ACOXL: variants seen among roughly 807,000 people sequenced by gnomAD.
The protein encoded by ACOXL is acyl-coenzyme A oxidase-like protein.
ACOXL carries 70 observed loss-of-function variants against 71.9 expected under a neutral mutation model. The observed-to-expected ratio is 0.97, with a 90% CI of 0.80 to 1.19. The LOEUF (loss-of-function observed/expected upper bound fraction) is 1.19. Among genes scored for constraint, ACOXL ranks in the 50% most tolerant of loss-of-function variants. The pLI is 0.00. For synonymous variants in ACOXL, 253 were observed against 281.6 expected, an observed-to-expected ratio of 0.90 and a Z score of 1.02; for missense variants, 703 against 736.3, an observed-to-expected ratio of 0.95 and a Z score of 0.52.
chr2:110,987,415 C>A (rs1318183045), intron 13 of ACOXL, among the ~76,000 whole-genome samples, 198 bp downstream of exon 13: 2 of 152,236 alleles, frequency 1.3e-5, no homozygotes, highest in Non-Finnish European at 2.9e-5. Flanking sequence ...TCTGTTCTTT[C>A]TCCTTGAGTT....
chr2:110,765,887 A>C (rs1351131005), intron 1 of ACOXL, among the ~76,000 whole-genome samples: 1 of 152,228 alleles, frequency 6.6e-6, no homozygotes, highest in African/African-American at 2.4e-5. Context: ...TCTGTCATCA[A>C]GTTCACTGAT....
chr2:111,056,348 C>A (rs1012753218), intron 16 of ACOXL, among the ~76,000 whole-genome samples: 1 of 152,132 alleles, frequency 6.6e-6, no homozygotes, highest in African/African-American at 2.4e-5. Flanking sequence ...AGGTCCCCTG[C>A]AAGTGCCAAG....
intron 3 of ACOXL, among the ~76,000 whole-genome samples, chr2:110,787,167 T>A (rs976452748): frequency 1.3e-5 from 2 of 152,112 alleles, no homozygotes; most frequent in Non-Finnish European, 2.9e-5. Flanking sequence ...TTTTCCATAA[T>A]AAAATTTTTT....
chr2:111,095,058 C>T (rs1349710310), intron 17 of ACOXL, among the ~76,000 whole-genome samples: 4 of 152,176 alleles, frequency 2.6e-5, no homozygotes, highest in African/African-American at 9.7e-5. Context: ...GAGGAAGTCA[C>T]AGTGCCAGCA....
Position 111,103,156 on chromosome 2 carries a change from G to A in ACOXL, c.1542+10190G>A, listed in dbSNP as rs933515699. ...AGAAAACATGAAAAATTAGCCAGGC[G>A]TGGTGGCATGCGCCTGTAATCCCAG... is the stretch of plus-strand genomic sequence containing the variant. On this transcript the variant is annotated intron_variant, in intron 17 of 17. Transcript: ENST00000439055. Among the ~76,000 whole-genome samples, 29 of 152,220 alleles carry A rather than the reference G, an allele frequency of 1.9e-4. No individual in the cohort carries two copies. In the East Asian group the frequency reaches 2.7e-3, roughly 14 times the overall value.
intron 9 of ACOXL, among the ~76,000 whole-genome samples, chr2:110,821,966 TGA>T (rs1688660684): frequency 6.6e-6 from 1 of 152,030 alleles, no homozygotes; most frequent in Non-Finnish European, 1.5e-5. Flanking sequence ...AGTGTGTGTG[TGA>T]GTGTGTGCGT....
chr2:110,967,453 A>G (rs2061982384), intron 12 of ACOXL, among the ~76,000 whole-genome samples: 1 of 152,224 alleles, frequency 6.6e-6, no homozygotes, highest in South Asian at 2.1e-4. Context: ...GTGTTGCTCA[A>G]TATACATAAA....
At chr2:110,951,747 TCTTC>T (rs1304313253) in intron 12 of ACOXL, among the ~76,000 whole-genome samples, 6 of 152,250 alleles carry the variant, frequency 3.9e-5, no homozygotes, top group Admixed American at 2.6e-4. Context: ...TTGCACATTT[TCTTC>T]CTTTTAATCT....
intron 14 of ACOXL, among the ~76,000 whole-genome samples, 194 bp downstream of exon 14, chr2:110,996,198 C>T (rs1574427078): frequency 1.3e-5 from 2 of 152,176 alleles, no homozygotes; most frequent in African/African-American, 2.4e-5. Flanking sequence ...CTGTTTAACC[C>T]CCTTTATGTC....
chr2:111,049,929 G>T (rs1393939038), intron 16 of ACOXL, among the ~76,000 whole-genome samples: 1 of 152,084 alleles, frequency 6.6e-6, no homozygotes, highest in Non-Finnish European at 1.5e-5. Flanking sequence ...CTGGCAAGCT[G>T]CCCACCTGGA....
chr2:110,882,563 A>C (rs551966597), intron 10 of ACOXL, among the ~76,000 whole-genome samples: 53 of 152,328 alleles, frequency 3.5e-4, no homozygotes, highest in African/African-American at 1.2e-3. Context: ...CCAAAGCCAC[A>C]AAGATTATCT....
chr2:110,970,499 G>A (rs80196403), intron 12 of ACOXL, among the ~76,000 whole-genome samples: 7 of 136,584 alleles, frequency 5.1e-5, no homozygotes, highest in African/African-American at 1.8e-4. Flanking sequence ...CAAATTGAAA[G>A]AGTCTACAAA....
chr2:110,939,241 C>A (rs1318683064), intron 12 of ACOXL, among the ~76,000 whole-genome samples: 1 of 152,126 alleles, frequency 6.6e-6, no homozygotes, highest in Non-Finnish European at 1.5e-5. Flanking sequence ...TTTGAAATCA[C>A]ATTTATTGCA....
intron 10 of ACOXL, among the ~76,000 whole-genome samples, chr2:110,857,071 A>G (rs1167154869): frequency 6.6e-6 from 1 of 152,148 alleles, no homozygotes; most frequent in African/African-American, 2.4e-5. Context: ...TCTCTTAATG[A>G]TTCCTGAAGT....
chr2:110,929,313 G>C (rs1459499883), intron 11 of ACOXL, among the ~76,000 whole-genome samples: 4 of 152,220 alleles, frequency 2.6e-5, no homozygotes, highest in African/African-American at 7.2e-5. Context: ...TTTTAGCAAA[G>C]AGACAGGTGG....
chr2:110,765,088 CT>C (rs1680882383), intron 1 of ACOXL, among the ~76,000 whole-genome samples: 5 of 152,170 alleles, frequency 3.3e-5, no homozygotes, highest in African/African-American at 1.2e-4. Context: ...TGTCTCAGTA[CT>C]TGAAAAATGT....
chr2:110,839,989 T>TTTG (rs779357520), intron 9 of ACOXL, among the ~76,000 whole-genome samples: 3 of 151,854 alleles, frequency 2.0e-5, no homozygotes, highest in Admixed American at 6.6e-5. Flanking sequence ...GTTGTTGTTG[T>TTTG]TTGTTGTTGT....
At chr2:111,072,382 G>A (rs557813277) in intron 16 of ACOXL, among the ~76,000 whole-genome samples, 4 of 152,226 alleles carry the variant, frequency 2.6e-5, no homozygotes, top group African/African-American at 9.6e-5. Context: ...TCCGCATGAT[G>A]TCTTTGAGAT....
intron 10 of ACOXL, among the ~76,000 whole-genome samples, chr2:110,855,586 G>A (rs908133308): frequency 6.6e-6 from 1 of 152,218 alleles, no homozygotes; most frequent in African/African-American, 2.4e-5. Flanking sequence ...ACTGTGAAAT[G>A]CAGTAATTTC....
Sources: allele counts gnomAD v4.1 joint callset (sites outside exome capture counted in the v4.1 genomes callset), GRCh38; gene constraint gnomAD v4.1.1; transcripts MANE v1.5; gene names NCBI Gene and HGNC (gene_info 2026-07-23, HGNC 2026-07-21).